F10: variants seen among roughly 807,000 people sequenced by gnomAD.
The protein encoded by F10 is Stuart-Prower factor.
A neutral mutation model predicts 37.1 loss-of-function variants in F10; 29 were observed. That is an observed-to-expected ratio of 0.78 (90% confidence interval 0.58 to 1.07). The LOEUF (loss-of-function observed/expected upper bound fraction) is 1.07. Among genes scored for constraint, F10 ranks in the 50% least tolerant of loss-of-function variants. The probability of loss-of-function intolerance (pLI) is 0.00; values close to 1 mark genes in which losing one functional copy is unlikely to be tolerated. For missense variants in F10, 539 were observed against 667.9 expected (o/e 0.81, Z 2.13); for synonymous variants, 262 against 268.6 (o/e 0.98, Z 0.24).
intron 2 of F10, among the ~76,000 whole-genome samples, chr13:113,132,875 G>C (rs2036446750): frequency 1.3e-5 from 2 of 152,086 alleles, no homozygotes; most frequent in South Asian, 4.1e-4. Context: ...TAAAAAGATT[G>C]AACTCACATA....
chr13:113,138,276 TGCAGAA>T (rs1445963383), intron 2 of F10, among the ~76,000 whole-genome samples, 175 bp from the exon 3 acceptor site: 2 of 152,238 alleles, frequency 1.3e-5, no homozygotes, highest in Non-Finnish European at 2.9e-5. Context: ...TCTTCACAGA[TGCAGAA>T]GATCTGAATA....
intron 6 of F10, 135 bp from the exon 7 acceptor site, chr13:113,147,244 G>C (rs1174057844): frequency 2.8e-6 from 2 of 711,752 alleles, no homozygotes; most frequent in Non-Finnish European, 5.2e-6. Flanking sequence ...ACTGTCCTTG[G>C]GTGGATGGCA....
In F10 at chr13:113,146,790, A is replaced by C. The variant is rs545586722; in HGVS notation, c.748-589A>C. 6.6e-6 allele frequency among the ~76,000 whole-genome samples: 1 copy of C among 152,298 alleles called. No individual in the cohort carries two copies. Among genetic ancestry groups the C allele is most frequent in the South Asian group, 2.1e-4 (1 of 4,814 alleles). On this transcript the variant is annotated intron_variant, in intron 6 of 7. Coordinates refer to ENST00000375559, the MANE Select transcript of F10 (RefSeq NM_000504.4). This position sits in a 1 kb window ranked among gnomAD's most constrained non-coding sequence, Gnocchi z 4.5. ...GAAAACCAAAATATGCCCGGGCTCC[A>C]AACTTGCAAGTCCAGCTCCCTAGGG... is the stretch of plus-strand genomic sequence containing the variant.
chr13:113,148,345 A>AATATATAT (rs1555396300), intron 7 of F10, among the ~76,000 whole-genome samples: 17 of 95,412 alleles, frequency 1.8e-4, no homozygotes, highest in African/African-American at 4.7e-4. Flanking sequence ...AAAAAAAAAA[A>AATATATAT]ATATATATAT....
At chr13:113,126,904 A>G (rs970271117) in intron 1 of F10, among the ~76,000 whole-genome samples, 1 of 152,198 alleles carries the variant, frequency 6.6e-6, no homozygotes, top group Non-Finnish European at 1.5e-5. Flanking sequence ...TGGAGGTGAC[A>G]TGAGGCTGCA....
Position 113,141,094 on chromosome 13 carries a change from G to A in F10, c.502+44G>A, listed in dbSNP as rs769193074. 34 of 1,609,612 alleles carry A rather than the reference G, an allele frequency of 2.1e-5. No individual in the cohort carries two copies. In the East Asian group the frequency reaches 4.0e-4, roughly 19 times the overall value. The stretch of plus-strand genomic sequence containing the variant: ...CACAGCCACCCGCTGCCGCTGGGCC[G>A]GGCCAGGGAGGACAAGCCCGTGCCA... On this transcript the variant is annotated intron_variant, in intron 5 of 7. Transcript: ENST00000375559. This position sits in a 1 kb window ranked among gnomAD's most constrained non-coding sequence, Gnocchi z 5.4.
At position 113,146,696 on chromosome 13, in the gene F10, G is replaced by A. The variant is rs1595097745; in HGVS notation, c.748-683G>A. On this transcript the variant is annotated intron_variant, in intron 6 of 7. Coordinates refer to ENST00000375559, the MANE Select transcript of F10 (RefSeq NM_000504.4). This position sits in a 1 kb window ranked among gnomAD's most constrained non-coding sequence, Gnocchi z 4.5. ...AAGAAATGTTTTAAGACTCGGTATTGTCAGTAGTTTCATTGGTCTGTACAT... is the reference window on the plus strand; with the variant it reads ...AAGAAATGTTTTAAGACTCGGTATTATCAGTAGTTTCATTGGTCTGTACAT... Among the ~76,000 whole-genome samples, 1 of 152,214 alleles carries A rather than the reference G, an allele frequency of 6.6e-6. No individual in the cohort carries two copies. The highest frequency in any genetic ancestry group is 2.4e-5 in the African/African-American group (1 of 41,450).
rs764202048 is a variant in F10 at position 113,139,347 on chromosome 13, C to T, written c.257-10C>T. On this transcript the variant is annotated splice_polypyrimidine_tract_variant and intron_variant, in intron 3 of 7. Coordinates refer to ENST00000375559, the MANE Select transcript of F10 (RefSeq NM_000504.4). The surrounding 1 kb of genome is among the most constrained non-coding windows in gnomAD (Gnocchi z 5.2). ...TTGCAGACTCCAGTTTCGAAATCCT[C>T]TCTTTGCAGATGGCGACCAGTGTGA... is the stretch of plus-strand genomic sequence containing the variant. 4 of 1,612,866 alleles carry T rather than the reference C, an allele frequency of 2.5e-6. No individual in the cohort carries two copies. Among genetic ancestry groups the T allele is most frequent in the Non-Finnish European group, 3.4e-6 (4 of 1,178,902 alleles).
chr13:113,130,170 C>G (rs756578537), intron 2 of F10: 3 of 186,910 alleles, frequency 1.6e-5, no homozygotes, highest in Non-Finnish European at 3.4e-5. Flanking sequence ...AGGACACGCA[C>G]TGAGGCCAGG....
At chr13:113,142,172 A>C (rs940501897) in intron 5 of F10, among the ~76,000 whole-genome samples, 1 of 152,220 alleles carries the variant, frequency 6.6e-6, no homozygotes, top group Non-Finnish European at 1.5e-5. Flanking sequence ...CTGGTTAAAA[A>C]ATATTTTAAC....
At chr13:113,131,389 C>T (rs2036432841) in intron 2 of F10, 1 of 152,250 alleles carries the variant, frequency 6.6e-6, no homozygotes, top group South Asian at 2.1e-4. Context: ...GGATGAAGCA[C>T]ATCACAGGTG....
chr13:113,142,668 G>A lies in F10; in HGVS notation c.503-1183G>A, dbSNP rs897982978. 4.2e-4 allele frequency among the ~76,000 whole-genome samples: 62 copies of A among 148,334 alleles called. 1 individual carries two copies. The highest frequency in any genetic ancestry group is 1.5e-3 in the African/African-American group (61 of 41,184). Reference sequence around the variant, plus strand: ...AGGCTGGGCAAGGTGGCTCACGCCTGTAATCCCAGCACTTTGGGAAGCCAA... The same window carrying A: ...AGGCTGGGCAAGGTGGCTCACGCCTATAATCCCAGCACTTTGGGAAGCCAA... On this transcript the variant is annotated intron_variant, in intron 5 of 7. Coordinates refer to ENST00000375559, the MANE Select transcript of F10 (RefSeq NM_000504.4).
In F10 at chr13:113,143,743, C is replaced by A; in HGVS notation, c.503-108C>A. 6.4e-7 allele frequency: 1 copy of A among 1,562,008 alleles called. No individual in the cohort carries two copies. Among genetic ancestry groups the A allele is most frequent in the Non-Finnish European group, 8.7e-7 (1 of 1,152,948 alleles). Reference sequence around the variant, plus strand: ...AAGCCCGCTGCCCCTCCGGGTGCCCCTGCGCTCTGCCTCCCGGCTCTCTGA... The same window carrying A: ...AAGCCCGCTGCCCCTCCGGGTGCCCATGCGCTCTGCCTCCCGGCTCTCTGA... On this transcript the variant is annotated intron_variant, in intron 5 of 7. Coordinates refer to ENST00000375559, the MANE Select transcript of F10 (RefSeq NM_000504.4). This position sits in a 1 kb window ranked among gnomAD's most constrained non-coding sequence, Gnocchi z 6.8.
At chr13:113,148,341 A>T (rs549300310) in intron 7 of F10, among the ~76,000 whole-genome samples, 60 of 103,438 alleles carry the variant, frequency 5.8e-4, no homozygotes, top group African/African-American at 2.0e-3. Flanking sequence ...AAAAAAAAAA[A>T]AAAAATATAT....
rs533322242 is a variant in F10 at position 113,141,932 on chromosome 13, G to T, written c.502+882G>T. Among the ~76,000 whole-genome samples, 128 of 152,304 alleles carry T rather than the reference G, an allele frequency of 8.4e-4. No homozygotes were observed. Among genetic ancestry groups the T allele is most frequent in the Middle Eastern group, 3.4e-3 (1 of 294 alleles). On this transcript the variant is annotated intron_variant, in intron 5 of 7. Transcript: ENST00000375559. This position sits in a 1 kb window ranked among gnomAD's most constrained non-coding sequence, Gnocchi z 5.4. ...AGCCCCCAGACCGTGTTCTGCCCCC[G>T]GCTACCATGACTGTCCCCTCCAGAC...
Position 113,136,633 on chromosome 13 carries a change from CTTTTTTTTTTTTTT to C in F10, c.232-1802_232-1789del, listed in dbSNP as rs1170291536. Reference sequence around the variant, plus strand: ...CCACCATGGCAGGCTAATTCTTGTACTTTTTTTTTTTTTTTTTTTTTTTTTTTTTTTTTTTGAGA... The same window carrying C: ...CCACCATGGCAGGCTAATTCTTGTACTTTTTTTTTTTTTTTTTTTTTGAGA... On this transcript the variant is annotated intron_variant, in intron 2 of 7. Coordinates refer to ENST00000375559, the MANE Select transcript of F10 (RefSeq NM_000504.4). 6.6e-4 allele frequency among the ~76,000 whole-genome samples: 4 copies of C among 6,020 alleles called. 1 individual carries two copies. The highest frequency in any genetic ancestry group is 0.011 in the East Asian group (1 of 88). The allele number at this position is 6,020 out of a possible 152,430, so 3.9% of individuals were successfully genotyped here.
At position 113,136,181 on chromosome 13, in the gene F10, C is replaced by T. The variant is rs76193328; in HGVS notation, c.232-2276C>T. On this transcript the variant is annotated intron_variant, in intron 2 of 7. Coordinates refer to ENST00000375559, the MANE Select transcript of F10 (RefSeq NM_000504.4). ...CTTACAGAAATGCAGATAAAAACCA[C>T]AATAAGAACGACTATATACTCATAG... is the stretch of plus-strand genomic sequence containing the variant. 3.6e-3 allele frequency among the ~76,000 whole-genome samples: 544 copies of T among 152,192 alleles called. 6 individuals carry two copies. Among genetic ancestry groups the T allele is most frequent in the African/African-American group, 0.012 (511 of 41,526 alleles).
intron 4 of F10, among the ~76,000 whole-genome samples, chr13:113,140,067 GATC>G (rs1359412791): frequency 7.1e-6 from 1 of 141,324 alleles, no homozygotes; most frequent in African/African-American, 2.5e-5. Flanking sequence ...GTACTTAATT[GATC>G]ATCTTTTTTT....
Position 113,129,665 on chromosome 13 carries a change from C to G in F10, c.231+53C>G, listed in dbSNP as rs574222662. On this transcript the variant is annotated intron_variant, in intron 2 of 7. Transcript: ENST00000375559. ...GGTAAGGAGCTCAGGCCACAGCGCC[C>G]TCGCTGGCCCCGCTGCTCCGTCCAT... is the stretch of plus-strand genomic sequence containing the variant. 4 of 1,610,248 alleles carry G rather than the reference C, an allele frequency of 2.5e-6. No individual in the cohort carries two copies. In the South Asian group the frequency reaches 4.4e-5, roughly 18 times the overall value.
Sources: allele counts gnomAD v4.1 joint callset (sites outside exome capture counted in the v4.1 genomes callset), GRCh38; gene constraint gnomAD v4.1.1; non-coding constraint Gnocchi (gnomAD v3.1); transcripts MANE v1.5; gene names NCBI Gene and HGNC (gene_info 2026-07-23, HGNC 2026-07-21).